The following KITLG variants were observed in gnomAD, a reference collection of about 807,000 sequenced individuals.
KITLG encodes the protein KIT ligand.
Under a neutral mutation model 34.1 loss-of-function variants are expected in KITLG, and 13 were observed. The observed-to-expected ratio is 0.38, with a 90% CI of 0.25 to 0.61. KITLG has a LOEUF of 0.61. Among genes scored for constraint, KITLG ranks in the 20% least tolerant of loss-of-function variants. The pLI is 0.60. For missense variants in KITLG, 292 were observed against 318.9 expected (o/e 0.92, Z 0.64); for synonymous variants, 110 against 104.0 (o/e 1.06, Z -0.35).
chr12:88,553,130 G>C (rs1870977116), intron 1 of KITLG, among the ~76,000 whole-genome samples: 1 of 152,142 alleles, frequency 6.6e-6, no homozygotes, highest in Non-Finnish European at 1.5e-5. Flanking sequence ...TGAATATTTT[G>C]ACACTGACTT....
At position 88,512,127 on chromosome 12, in the gene KITLG, A is replaced by G. The variant is rs141572243; in HGVS notation, c.604+3407T>C. 1.4e-4 allele frequency among the ~76,000 whole-genome samples: 22 copies of G among 152,312 alleles called. No homozygotes were observed. The East Asian group carries it at 4.2e-3, about 29-fold the overall frequency. On this transcript the variant is annotated intron_variant, in intron 6 of 9. Transcript: ENST00000644744. ...TGGAGACAAGAACTTTAGAGCAGCT[A>G]TTATATTTAAGTGACAAAAAAGAAT... is the stretch of plus-strand genomic sequence containing the variant.
chr12:88,555,810 T>C (rs1046734637), intron 1 of KITLG, among the ~76,000 whole-genome samples: 4 of 152,184 alleles, frequency 2.6e-5, no homozygotes, highest in Non-Finnish European at 5.9e-5. Flanking sequence ...GGCCACTTCT[T>C]CATTTAACAG....
At chr12:88,566,368 G>T (rs1022711313) in intron 1 of KITLG, among the ~76,000 whole-genome samples, 5 of 152,302 alleles carry the variant, frequency 3.3e-5, no homozygotes, top group South Asian at 2.1e-4. Flanking sequence ...TGTGCCACTA[G>T]CTAGGGATAC....
At chr12:88,508,986 T>TA (rs1445657434) in intron 6 of KITLG, among the ~76,000 whole-genome samples, 1 of 152,192 alleles carries the variant, frequency 6.6e-6, no homozygotes, top group African/African-American at 2.4e-5. Context: ...ATACTGTTTG[T>TA]AAATAAATCA....
Position 88,580,429 on chromosome 12 carries a change from T to TC in KITLG, c.-152dup. 1 of 923,894 alleles carries TC rather than the reference T, an allele frequency of 1.1e-6. No individual in the cohort carries two copies. 57.2% of individuals were successfully genotyped at this position (923,894 alleles called of 1,614,324 possible). A position where few individuals can be genotyped will look rare whatever the true frequency, so the allele number is the denominator to read the frequency against. On this transcript the variant is annotated 5_prime_UTR_variant, in exon 1 of 10. Transcript: ENST00000644744. Reference sequence around the variant, plus strand: ...CAGCGCCCTCTCCACTGTCCCTGCTTCCCGCAGCGCTTCTAGTCTCGGCGC... The same window carrying TC: ...CAGCGCCCTCTCCACTGTCCCTGCTTCCCCGCAGCGCTTCTAGTCTCGGCGC...
chr12:88,512,824 A>G (rs1302499507), intron 6 of KITLG, among the ~76,000 whole-genome samples: 6 of 151,922 alleles, frequency 3.9e-5, no homozygotes, highest in Admixed American at 6.6e-5. Flanking sequence ...AAGACAAAAC[A>G]AAGATATTTT....
intron 3 of KITLG, among the ~76,000 whole-genome samples, chr12:88,520,141 T>C (rs1483854944): frequency 6.6e-6 from 1 of 152,168 alleles, no homozygotes; most frequent in Non-Finnish European, 1.5e-5. Flanking sequence ...GGGAATTTAG[T>C]TCAAGTGGCC....
chr12:88,532,592 C>CAG, intron 2 of KITLG, 89 bp from the exon 3 acceptor site: 1 of 868,632 alleles, frequency 1.2e-6, no homozygotes, highest in Non-Finnish European at 1.9e-6. Context: ...GCACACAAAA[C>CAG]TGTTGTGCTT....
intron 2 of KITLG, among the ~76,000 whole-genome samples, chr12:88,534,485 C>T (rs548111310): frequency 5.3e-5 from 8 of 151,982 alleles, no homozygotes; most frequent in Admixed American, 3.9e-4. Flanking sequence ...GGAATCCTCG[C>T]ATGTGTCAGC....
intron 1 of KITLG, among the ~76,000 whole-genome samples, chr12:88,569,855 T>C (rs1871584646): frequency 6.6e-6 from 1 of 152,184 alleles, no homozygotes. Flanking sequence ...CAATCACCCA[T>C]TTAAAATCTT....
chr12:88,577,037 C>T (rs1871850987), intron 1 of KITLG, among the ~76,000 whole-genome samples: 1 of 152,080 alleles, frequency 6.6e-6, no homozygotes, highest in Non-Finnish European at 1.5e-5. Context: ...ATCAACTTAG[C>T]ACTTGGGTTT....
Position 88,532,156 on chromosome 12 carries a change from T to G in KITLG, c.192+285A>C, listed in dbSNP as rs1243391962. Among the ~76,000 whole-genome samples, 5 of 151,736 alleles carry G rather than the reference T, an allele frequency of 3.3e-5. No individual in the cohort carries two copies. The East Asian group carries it at 7.7e-4, about 23-fold the overall frequency. ...TTGGGTATCCTGATGGTGGAGTGAG[T>G]GGGGAGGATGGAGGGTCGGAAGGTG... is the stretch of plus-strand genomic sequence containing the variant. On this transcript the variant is annotated intron_variant, in intron 3 of 9. Transcript: ENST00000644744.
rs1868620493 is a variant in KITLG at position 88,495,852 on chromosome 12, C to A, written c.*1367G>T. On this transcript the variant is annotated 3_prime_UTR_variant, in exon 10 of 10. Transcript: ENST00000644744. The stretch of plus-strand genomic sequence containing the variant: ...TAAAAGAACTTTCATCAAAATAAAC[C>A]ATAAGAAATCATTCTTTGACTTTAG... 1 of 151,954 alleles carries A rather than the reference C, an allele frequency of 6.6e-6. No homozygotes were observed. 9.4% of individuals were successfully genotyped at this position (151,954 alleles called of 1,614,324 possible).
At chr12:88,561,023 T>G (rs1871282425) in intron 1 of KITLG, among the ~76,000 whole-genome samples, 1 of 145,424 alleles carries the variant, frequency 6.9e-6, no homozygotes, top group African/African-American at 2.5e-5. Context: ...GTGTGTTTAC[T>G]CATGCACAGA....
intron 3 of KITLG, among the ~76,000 whole-genome samples, chr12:88,529,525 C>T (rs892555580): frequency 2.0e-5 from 3 of 152,054 alleles, no homozygotes; most frequent in Admixed American, 6.6e-5. Flanking sequence ...ACTCCCTTTT[C>T]TAGGAGAATT....
At chr12:88,544,127 A>C (rs1032492257) in intron 2 of KITLG, among the ~76,000 whole-genome samples, 4 of 152,132 alleles carry the variant, frequency 2.6e-5, no homozygotes, top group African/African-American at 7.2e-5. Context: ...TGAGGCACTT[A>C]GTATGGTTCC....
At chr12:88,544,660 T>C (rs1201037902) in intron 2 of KITLG, among the ~76,000 whole-genome samples, 1 of 152,092 alleles carries the variant, frequency 6.6e-6, no homozygotes, top group Non-Finnish European at 1.5e-5. Context: ...GAAGAATGCT[T>C]TTAAACCTGA....
intron 2 of KITLG, among the ~76,000 whole-genome samples, chr12:88,544,533 C>G (rs376929345): frequency 5.3e-5 from 8 of 152,026 alleles, no homozygotes; most frequent in African/African-American, 1.9e-4. Flanking sequence ...AGTACTCCCC[C>G]CTCACCCCCA....
intron 1 of KITLG, among the ~76,000 whole-genome samples, chr12:88,564,739 G>C (rs1871391645): frequency 1.2e-5 from 1 of 80,690 alleles, no homozygotes; most frequent in South Asian, 5.8e-4. Context: ...AAGCTTACCT[G>C]ATTAAAAAAA....
Sources: gnomAD v4.1 joint callset for allele counts (sites outside exome capture counted in the v4.1 genomes callset) on GRCh38, gnomAD v4.1.1 for gene constraint, MANE v1.5 for transcripts, NCBI Gene and HGNC (gene_info 2026-07-23, HGNC 2026-07-21) for gene names.